RBM18: variants seen among roughly 807,000 people sequenced by gnomAD.
RBM18 encodes the protein probable RNA-binding protein 18.
In RBM18, 18 loss-of-function variants were observed where a neutral mutation model predicts 26.4. The observed-to-expected ratio is 0.68, with a 90% CI of 0.47 to 1.01. The LOEUF (loss-of-function observed/expected upper bound fraction) is 1.01, where lower values mean the gene tolerates loss of function less well. Ranked by LOEUF, RBM18 falls within the 50% of genes least tolerant of loss-of-function variation. The probability of loss-of-function intolerance (pLI) is 0.00; values close to 1 mark genes in which losing one functional copy is unlikely to be tolerated. For synonymous variants in RBM18, 74 were observed against 81.1 expected (o/e 0.91, Z 0.47); for missense variants, 180 against 219.2 (o/e 0.82, Z 1.13).
chr9:122,245,797 G>T (rs1416868159), intron 4 of RBM18, among the ~76,000 whole-genome samples: 1 of 151,458 alleles, frequency 6.6e-6, no homozygotes, highest in Non-Finnish European at 1.5e-5. Flanking sequence ...GGGAAACATG[G>T]CAAAAACCCT....
rs1831401242 is a variant in RBM18 at position 122,240,610 on chromosome 9, G to A, written c.*1274C>T. The A allele has an allele frequency of 6.6e-6, 1 of 152,190 alleles. No homozygotes were observed. The highest frequency in any genetic ancestry group is 1.5e-5 in the Non-Finnish European group (1 of 68,030). The allele number at this position is 152,190 out of a possible 1,614,324, so 9.4% of individuals were successfully genotyped here. A position where few individuals can be genotyped will look rare whatever the true frequency, so the allele number is the denominator to read the frequency against. On this transcript the variant is annotated 3_prime_UTR_variant, in exon 6 of 6. Transcript: ENST00000417201. ...GATACATACCTGGTAAAGGAGCAAA[G>A]GTGCTGCCCAATTAAACAGTATGTC...
chr9:122,254,230 C>T (rs1698716052), intron 2 of RBM18: 1 of 365,830 alleles, frequency 2.7e-6, no homozygotes. Flanking sequence ...CAAAAGATTA[C>T]TCTTTGTAAA....
intron 5 of RBM18, chr9:122,243,836 A>C: frequency 1.0e-6 from 1 of 984,904 alleles, no homozygotes; most frequent in Non-Finnish European, 1.2e-6. Flanking sequence ...CATTAGGCAT[A>C]GATGTTAATA....
intron 2 of RBM18, among the ~76,000 whole-genome samples, chr9:122,255,358 G>C (rs987125560): frequency 1.3e-5 from 2 of 152,134 alleles, no homozygotes; most frequent in South Asian, 2.1e-4. Context: ...AGGTTTCTTC[G>C]GGGGTGAACA....
In RBM18 at chr9:122,261,436, G is replaced by C. The variant is rs1382813356; in HGVS notation, c.57C>G (p.Gly19=). The C allele has an allele frequency of 1.9e-6, 3 of 1,614,040 alleles. No individual in the cohort carries two copies. Among genetic ancestry groups the C allele is most frequent in the Non-Finnish European group, 2.5e-6 (3 of 1,180,010 alleles). ...ATAATCGGTGTCCTTCCTGCAGAGA[G>C]CCCTCTGAAAGGATGGATGCATTCT... ...PLENASILSE[G]SLQEGHRLWI... is the part of the protein sequence containing the mutation. The change falls in exon 2 of 6, where the codon GGC becomes GGG. Residue 19 remains glycine, a synonymous_variant. Transcript: ENST00000417201.
chr9:122,261,371 T>C lies in RBM18; in HGVS notation c.113+9A>G, dbSNP rs370983448. 9.2e-5 allele frequency: 147 copies of C among 1,592,572 alleles called. No individual in the cohort carries two copies. Among genetic ancestry groups the C allele is most frequent in the Middle Eastern group, 6.6e-4 (4 of 6,056 alleles). On this transcript the variant is annotated intron_variant, in intron 2 of 5. Coordinates refer to ENST00000417201, the MANE Select transcript of RBM18 (RefSeq NM_033117.4). ...TTGTAGGTAAAAAACTAAGGTAACT[T>C]AGACTTACTCGGTAATTTTGGGGTC... is the stretch of plus-strand genomic sequence containing the variant.
chr9:122,252,810 A>G (rs902846383), intron 2 of RBM18, among the ~76,000 whole-genome samples: 19 of 152,230 alleles, frequency 1.2e-4, no homozygotes, highest in Non-Finnish European at 4.4e-5. Context: ...GCTATTGCTT[A>G]CCACTACTCT....
At chr9:122,244,412 T>C (rs1588377686) in intron 5 of RBM18, among the ~76,000 whole-genome samples, 1 of 152,192 alleles carries the variant, frequency 6.6e-6, no homozygotes, top group East Asian at 1.9e-4. Flanking sequence ...CGTATTTTCT[T>C]CCCCTGCCCC....
At chr9:122,248,638 T>G (rs1474702411) in intron 3 of RBM18, among the ~76,000 whole-genome samples, 1 of 152,190 alleles carries the variant, frequency 6.6e-6, no homozygotes, top group African/African-American at 2.4e-5. Context: ...TGAAAGGAAT[T>G]CCTGAAGCTG....
rs1247239542 is a variant in RBM18 at position 122,250,778 on chromosome 9, C to A, written c.240+1069G>T. Among the ~76,000 whole-genome samples, 5 of 152,188 alleles carry A rather than the reference C, an allele frequency of 3.3e-5. No homozygotes were observed. In the East Asian group the frequency reaches 9.7e-4, roughly 29 times the overall value. On this transcript the variant is annotated intron_variant, in intron 3 of 5. Transcript: ENST00000417201. ...ACAAAAAGACTGGAAAGATATATGA[C>A]TAAGTGTTAACAGTGATTATTTCTG...
chr9:122,245,830 C>A lies in RBM18; in HGVS notation c.328-489G>T, dbSNP rs988450030. On this transcript the variant is annotated intron_variant, in intron 4 of 5. Coordinates refer to ENST00000417201, the MANE Select transcript of RBM18 (RefSeq NM_033117.4). ...CCTGTCTCTATTTAAAAAAAAAAAA[C>A]AAAAAACAAAAATTACCCGGGCATG... is the stretch of plus-strand genomic sequence containing the variant. Among the ~76,000 whole-genome samples, 11 of 149,550 alleles carry A rather than the reference C, an allele frequency of 7.4e-5. No individual in the cohort carries two copies. In the South Asian group the frequency reaches 1.7e-3, roughly 23 times the overall value.
At chr9:122,259,288 C>T (rs1245985786) in intron 2 of RBM18, among the ~76,000 whole-genome samples, 1 of 152,176 alleles carries the variant, frequency 6.6e-6, no homozygotes, top group Non-Finnish European at 1.5e-5. Flanking sequence ...TGTTTCCACA[C>T]TTTAGATTTC....
intron 1 of RBM18, among the ~76,000 whole-genome samples, chr9:122,264,121 C>A (rs1040922521): frequency 6.6e-6 from 1 of 152,232 alleles, no homozygotes; most frequent in African/African-American, 2.4e-5. Context: ...CTTAAGTACA[C>A]TGCCTGTCTC....
At chr9:122,261,151 A>T (rs1018504696) in intron 2 of RBM18, among the ~76,000 whole-genome samples, 4 of 152,278 alleles carry the variant, frequency 2.6e-5, no homozygotes, top group Admixed American at 2.6e-4. Context: ...GATAGGAAAA[A>T]AACAGGTATA....
intron 2 of RBM18, among the ~76,000 whole-genome samples, chr9:122,252,245 C>G (rs1831616769): frequency 1.3e-5 from 2 of 152,176 alleles, no homozygotes; most frequent in South Asian, 4.1e-4. Context: ...GCTGTCTGGC[C>G]TACAAGCACT....
intron 2 of RBM18, among the ~76,000 whole-genome samples, chr9:122,253,408 G>T (rs763193508): frequency 6.6e-6 from 1 of 152,112 alleles, no homozygotes; most frequent in Non-Finnish European, 1.5e-5. Flanking sequence ...TATTAATCTG[G>T]TCTATTTTGA....
intron 4 of RBM18, among the ~76,000 whole-genome samples, chr9:122,247,059 A>G (rs1029481195): frequency 2.0e-5 from 3 of 152,192 alleles, no homozygotes; most frequent in African/African-American, 7.2e-5. Flanking sequence ...AACTCCCAAG[A>G]TTTCTGGAGT....
chr9:122,254,027 CAA>C (rs561923338), intron 2 of RBM18, among the ~76,000 whole-genome samples: 1 of 86,814 alleles, frequency 1.2e-5, no homozygotes. Context: ...GATTCCGTCT[CAA>C]AAAAAAAAAA....
intron 2 of RBM18, among the ~76,000 whole-genome samples, chr9:122,254,631 T>G (rs1831660329): frequency 6.6e-6 from 1 of 152,228 alleles, no homozygotes; most frequent in Non-Finnish European, 1.5e-5. Context: ...CTGTAATTGG[T>G]CTTTAAGACA....
Sources: allele counts gnomAD v4.1 joint callset (sites outside exome capture counted in the v4.1 genomes callset), GRCh38; gene constraint gnomAD v4.1.1; transcripts MANE v1.5; gene names NCBI Gene and HGNC (gene_info 2026-07-23, HGNC 2026-07-21).